The following CCDC12 variants were observed in gnomAD, a reference collection of about 807,000 sequenced individuals.
CCDC12 encodes the protein coiled-coil domain containing 12, also known as coiled-coil domain-containing protein 12.
In CCDC12, 28 loss-of-function variants were observed where a neutral mutation model predicts 25.7. The ratio of observed to expected loss-of-function variants is 1.09; its 90% CI spans 0.81 to 1.50. CCDC12 has a LOEUF of 1.50. Among genes scored for constraint, CCDC12 ranks in the 40% most tolerant of loss-of-function variants. The pLI, the probability that CCDC12 is intolerant of heterozygous loss-of-function variation, is 0.00. For missense variants in CCDC12, 198 were observed against 210.0 expected (o/e 0.94, Z 0.35); for synonymous variants, 75 against 87.7 (o/e 0.86, Z 0.81).
chr3:46,976,646 G>A lies in CCDC12; in HGVS notation c.87C>T (p.Thr29=). Reference sequence around the variant, plus strand: ...ACTCCACACTTCTCACCTTGCGCCCGGTTTTCTCCCGTAGGGCCTTCAGCC... The same window carrying A: ...ACTCCACACTTCTCACCTTGCGCCCAGTTTTCTCCCGTAGGGCCTTCAGCC... The part of the protein sequence containing the change: ...KERLKALREK[T]GRKDKEDGEP... The change falls in exon 1 of 7, where the codon ACC becomes ACT. Residue 29 remains threonine (T), a synonymous_variant. Coordinates refer to ENST00000683445, the MANE Select transcript of CCDC12 (RefSeq NM_001277074.2). The A allele has an allele frequency of 2.5e-6, 4 of 1,610,958 alleles. No homozygotes were observed. The highest frequency in any genetic ancestry group is 3.4e-6 in the Non-Finnish European group (4 of 1,178,602).
upstream of CCDC12, chr3:46,979,612 G>A: frequency 3.4e-6 from 1 of 292,640 alleles, no homozygotes; most frequent in Non-Finnish European, 6.3e-6. Flanking sequence ...GGTCCCAGGA[G>A]AGGCGGGGCG....
At chr3:46,943,400 C>A (rs563813085) in intron 1 of CCDC12, among the ~76,000 whole-genome samples, 44 of 152,286 alleles carry the variant, frequency 2.9e-4, no homozygotes, top group African/African-American at 1.1e-3. Context: ...GGGGAAGGAG[C>A]GGCAGACACC....
At chr3:46,966,957 C>T (rs981915333) in intron 1 of CCDC12, among the ~76,000 whole-genome samples, 3 of 152,174 alleles carry the variant, frequency 2.0e-5, no homozygotes, top group Non-Finnish European at 2.9e-5. Context: ...ATTCTTCTAA[C>T]TCCTGCTAAA....
intron 1 of CCDC12, among the ~76,000 whole-genome samples, chr3:46,947,799 C>T (rs1312927069): frequency 2.0e-5 from 3 of 152,294 alleles, no homozygotes; most frequent in East Asian, 3.9e-4. Flanking sequence ...TGCACAGGAG[C>T]GGGGAAATCC....
At chr3:46,925,594 T>A in intron 2 of CCDC12, 59 bp from the exon 3 acceptor site, 1 of 1,346,014 alleles carries the variant, frequency 7.4e-7, no homozygotes, top group Non-Finnish European at 1.0e-6. Context: ...GTCTCATTCA[T>A]TCATTCATAC....
chr3:46,941,524 C>CACTG (rs1338223191), intron 1 of CCDC12, among the ~76,000 whole-genome samples: 1 of 151,504 alleles, frequency 6.6e-6, no homozygotes, highest in African/African-American at 2.4e-5. Flanking sequence ...GAGATCAAGC[C>CACTG]ACTGCACTCC....
At position 46,976,687 on chromosome 3, in the gene CCDC12, A is replaced by T. The variant is rs771095665; in HGVS notation, c.46T>A (p.Leu16Met). 1 of 1,608,268 alleles carries T rather than the reference A, an allele frequency of 6.2e-7. No homozygotes were observed. Among genetic ancestry groups the T allele is most frequent in the Non-Finnish European group, 8.5e-7 (1 of 1,177,498 alleles). The change falls in exon 1 of 7, where the codon TTG becomes ATG. Residue 16 changes from leucine (L) to methionine (M), a missense_variant. Leu to Met is a conservative substitution (Grantham distance 15, BLOSUM62 2). Coordinates refer to ENST00000683445, the MANE Select transcript of CCDC12 (RefSeq NM_001277074.2). ...GCCTTCAGCCGTTCCTTTCGCCGCA[A>T]CGCCTCTTCCTCTAGCCGGCCCACA... The part of the protein sequence containing the change: ...AGVGRLEEEA[L>M]RRKERLKALR...
At chr3:46,939,984 C>G (rs556237166) in intron 2 of CCDC12, among the ~76,000 whole-genome samples, 3 of 152,288 alleles carry the variant, frequency 2.0e-5, no homozygotes, top group South Asian at 2.1e-4. Context: ...AAGATCTACA[C>G]CCCCCTGTGC....
At chr3:46,923,804 G>T in intron 3 of CCDC12, 136 bp from the exon 4 acceptor site, 1 of 662,032 alleles carries the variant, frequency 1.5e-6, no homozygotes. Context: ...CCCGCAACCA[G>T]CCAGAGGTGA....
At chr3:46,958,385 A>G (rs1242571180) in intron 1 of CCDC12, among the ~76,000 whole-genome samples, 1 of 152,220 alleles carries the variant, frequency 6.6e-6, no homozygotes, top group Non-Finnish European at 1.5e-5. Context: ...AGATGAATGC[A>G]CATTTACACA....
intron 2 of CCDC12, 132 bp from the exon 3 acceptor site, chr3:46,925,667 A>G: frequency 1.3e-6 from 1 of 796,052 alleles, no homozygotes; most frequent in Non-Finnish European, 2.0e-6. Context: ...CCTGGTAAGG[A>G]GGAGAAGCAC....
At chr3:46,945,911 G>A (rs1028904406) in intron 1 of CCDC12, among the ~76,000 whole-genome samples, 4 of 152,126 alleles carry the variant, frequency 2.6e-5, no homozygotes, top group Non-Finnish European at 5.9e-5. Context: ...ATTTTGGGAC[G>A]TGCCTCCATC....
chr3:46,973,073 G>A (rs771051089), intron 1 of CCDC12, among the ~76,000 whole-genome samples: 3 of 149,970 alleles, frequency 2.0e-5, no homozygotes, highest in Non-Finnish European at 3.0e-5. Context: ...AAAAAAAAAA[G>A]GCCCAGTGTG....
At chr3:46,946,464 C>T (rs572805484) in intron 1 of CCDC12, among the ~76,000 whole-genome samples, 2 of 152,376 alleles carry the variant, frequency 1.3e-5, no homozygotes, top group Admixed American at 1.3e-4. Flanking sequence ...CAGAGCATTC[C>T]TGGGAGTGGT....
chr3:46,932,679 G>A (rs577560219), intron 2 of CCDC12, among the ~76,000 whole-genome samples: 2 of 152,340 alleles, frequency 1.3e-5, no homozygotes, highest in Non-Finnish European at 2.9e-5. Context: ...CTCAGGGGGT[G>A]GACAGGCCTC....
chr3:46,972,192 G>A (rs958235900), intron 1 of CCDC12, among the ~76,000 whole-genome samples: 1 of 152,182 alleles, frequency 6.6e-6, no homozygotes, highest in African/African-American at 2.4e-5. Context: ...CTATCCACCA[G>A]GTGCGGTGGT....
chr3:46,979,773 G>GCC, upstream of CCDC12: 1 of 357,744 alleles, frequency 2.8e-6, no homozygotes, highest in Non-Finnish European at 5.0e-6. Flanking sequence ...GACGCCCTCC[G>GCC]CCCATGGGCC....
At chr3:46,940,707 C>T (rs770717230) in intron 2 of CCDC12, 9 of 400,954 alleles carry the variant, frequency 2.2e-5, no homozygotes, top group East Asian at 4.3e-5. Context: ...TGGAGAACCA[C>T]GCCACAAAAG....
intron 1 of CCDC12, among the ~76,000 whole-genome samples, chr3:46,963,396 TCTCCCTCTCCCTCTC>T (rs1218134716): frequency 1.3e-3 from 3 of 2,328 alleles, no homozygotes; most frequent in Non-Finnish European, 6.4e-3. Context: ...GCCCTCTCCC[TCTCCCTCTCCCTCTC>T]CTCACGGTCT....
Sources: allele counts gnomAD v4.1 joint callset (sites outside exome capture counted in the v4.1 genomes callset), GRCh38; gene constraint gnomAD v4.1.1; transcripts MANE v1.5; gene names NCBI Gene and HGNC (gene_info 2026-07-23, HGNC 2026-07-21).